Variants in TENM4 observed in about 807,000 individuals in gnomAD.
TENM4 encodes teneurin transmembrane protein 4.
Under a neutral mutation model 243.3 loss-of-function variants are expected in TENM4, and 82 were observed. The observed-to-expected ratio is 0.34, with a 90% CI of 0.28 to 0.40. The LOEUF (loss-of-function observed/expected upper bound fraction) is 0.40, where lower values mean the gene tolerates loss of function less well. TENM4 is among the 10% of genes least tolerant of loss of function. TENM4 has a pLI of 1.00. For missense variants in TENM4, 3,138 were observed against 3,673.3 expected, an observed-to-expected ratio of 0.85 and a Z score of 3.77; for synonymous variants, 1,412 against 1,456.3, an observed-to-expected ratio of 0.97 and a Z score of 0.69.
In TENM4 at chr11:78,890,013, G is replaced by A; in HGVS notation, c.856C>T (p.Leu286Phe). ...GGGGAGGTGCCTCCAGGCTTGAAGAGGAAGTGCCTGCAGATGGAGAGCAGC... is the reference window on the plus strand; with the variant it reads ...GGGGAGGTGCCTCCAGGCTTGAAGAAGAAGTGCCTGCAGATGGAGAGCAGC... ...HDGAYSDGHF[L>F]FKPGGTSPLF... The change falls in exon 9 of 34, where the codon CTC becomes TTC. Residue 286 changes from leucine to phenylalanine, a missense_variant. Leu to Phe is a conservative substitution (Grantham distance 22). Coordinates refer to ENST00000278550, the MANE Select transcript of TENM4 (RefSeq NM_001098816.3). 1 of 1,537,024 alleles carries A rather than the reference G, an allele frequency of 6.5e-7. No homozygotes were observed. The highest frequency in any genetic ancestry group is 1.2e-5 in the South Asian group (1 of 82,748).
chr11:78,694,290 CTG>C (rs1590943997), intron 28 of TENM4, among the ~76,000 whole-genome samples: 1 of 152,202 alleles, frequency 6.6e-6, no homozygotes, highest in African/African-American at 2.4e-5. Context: ...GAACTGGGCA[CTG>C]TATTGTCTGT....
At chr11:79,289,162 G>A (rs1265470144) in intron 2 of TENM4, among the ~76,000 whole-genome samples, 3 of 152,164 alleles carry the variant, frequency 2.0e-5, no homozygotes, top group African/African-American at 7.2e-5. Flanking sequence ...CCTTTTTCAT[G>A]AGCAAATTCC....
chr11:78,763,022 T>G (rs1238962812), intron 18 of TENM4, among the ~76,000 whole-genome samples: 1 of 152,234 alleles, frequency 6.6e-6, no homozygotes, highest in African/African-American at 2.4e-5. Flanking sequence ...ATATCTCACT[T>G]AATTATATAT....
At chr11:78,928,691 G>C (rs1318868472) in intron 6 of TENM4, among the ~76,000 whole-genome samples, 1 of 152,102 alleles carries the variant, frequency 6.6e-6, no homozygotes, top group Non-Finnish European at 1.5e-5. Flanking sequence ...ATTAAACCTA[G>C]TTTATAATTA....
intron 1 of TENM4, among the ~76,000 whole-genome samples, chr11:79,314,604 A>C (rs922234722): frequency 1.3e-5 from 2 of 152,168 alleles, no homozygotes; most frequent in Non-Finnish European, 2.9e-5. Context: ...CCCGGCATAC[A>C]ATAGGTGCCA....
rs1555016067 is a variant in TENM4, at chr11:79,139,777, A to ATATATATTATATAT, written c.-66+8932_-66+8933insATATATAATATATA. The stretch of plus-strand genomic sequence containing the variant: ...ATATATTATATTTATATAAATATAT[A>ATATATATTATATAT]ATATATATTATATTTATATAAATAT... On this transcript the variant is annotated intron_variant, in intron 4 of 33. Transcript: ENST00000278550. Among the ~76,000 whole-genome samples the ATATATATTATATAT allele has an allele frequency of 3.0e-4, 8 of 26,796 alleles. 2 individuals carry two copies. The highest frequency in any genetic ancestry group is 1.3e-3 in the African/African-American group (6 of 4,606). The allele number at this position is 26,796 out of a possible 152,430, so 17.6% of individuals were successfully genotyped here.
intron 3 of TENM4, among the ~76,000 whole-genome samples, chr11:79,164,099 A>T (rs1156763104): frequency 1.8e-5 from 2 of 113,180 alleles, no homozygotes; most frequent in Non-Finnish European, 3.3e-5. Context: ...ATGTATATAT[A>T]GTATATATAC....
chr11:78,745,700 C>T (rs1457187091), intron 19 of TENM4, among the ~76,000 whole-genome samples: 2 of 152,198 alleles, frequency 1.3e-5, no homozygotes, highest in East Asian at 1.9e-4. Flanking sequence ...AAAAGAAACA[C>T]TGTATAGATA....
intron 1 of TENM4, among the ~76,000 whole-genome samples, chr11:79,307,458 G>A (rs1397466028): frequency 6.6e-6 from 1 of 152,038 alleles, no homozygotes; most frequent in African/African-American, 2.4e-5. Context: ...AGTCCTGCTG[G>A]TTCTAACTCC....
chr11:79,408,921 TTAA>T (rs1377440981), intron 1 of TENM4, among the ~76,000 whole-genome samples: 3 of 152,158 alleles, frequency 2.0e-5, no homozygotes, highest in African/African-American at 7.2e-5. Context: ...CATAGCAGAA[TTAA>T]TAATTATCAC....
chr11:79,122,410 G>T (rs1178344510), intron 4 of TENM4, among the ~76,000 whole-genome samples: 1 of 152,178 alleles, frequency 6.6e-6, no homozygotes, highest in African/African-American at 2.4e-5. Context: ...AAAAAGTGGG[G>T]TTCTATGGGA....
intron 2 of TENM4, among the ~76,000 whole-genome samples, chr11:79,290,102 A>G (rs1406216204): frequency 6.6e-6 from 1 of 151,940 alleles, no homozygotes; most frequent in Non-Finnish European, 1.5e-5. Context: ...AGCAGTTTCT[A>G]CTTTAGTTAG....
At chr11:78,934,688 C>G (rs1198580331) in intron 6 of TENM4, among the ~76,000 whole-genome samples, 1 of 152,172 alleles carries the variant, frequency 6.6e-6, no homozygotes, top group Non-Finnish European at 1.5e-5. Context: ...TTACCTAGAG[C>G]AAGCTCACCT....
At chr11:78,781,676 G>T (rs67160968) in intron 16 of TENM4, among the ~76,000 whole-genome samples, 3,860 of 152,182 alleles carry the variant, frequency 0.025, 71 homozygotes, top group Non-Finnish European at 0.042. Flanking sequence ...GGAGCCTCAG[G>T]GCAACTCGAA....
chr11:79,119,708 C>T (rs1378619061), intron 4 of TENM4, among the ~76,000 whole-genome samples: 2 of 152,298 alleles, frequency 1.3e-5, no homozygotes, highest in Middle Eastern at 3.4e-3. Context: ...GAGGAAGTAG[C>T]CACAACAGCC....
intron 12 of TENM4, among the ~76,000 whole-genome samples, chr11:78,821,447 G>A (rs954833697): frequency 1.3e-5 from 2 of 152,218 alleles, no homozygotes; most frequent in East Asian, 1.9e-4. Context: ...TTCCAGAGGC[G>A]TTTGGTGGCC....
chr11:79,140,514 T>A (rs1862267408), intron 4 of TENM4, among the ~76,000 whole-genome samples: 1 of 152,054 alleles, frequency 6.6e-6, no homozygotes. Flanking sequence ...CGCTTCCAAG[T>A]CTTGTGTGAG....
rs551224145 is a variant in TENM4 at position 78,976,285 on chromosome 11, T to C, written c.494-72762A>G. On this transcript the variant is annotated intron_variant, in intron 6 of 33. Transcript: ENST00000278550. ...TCTTAGAGTGACAGTCAGGGATTCG[T>C]GTAACCAATGAACCAGGCAAAAAAC... Among the ~76,000 whole-genome samples the C allele has an allele frequency of 3.3e-5, 5 of 152,256 alleles. No individual in the cohort carries two copies. The East Asian group carries it at 7.7e-4, about 24-fold the overall frequency.
chr11:78,832,220 G>A (rs567585387), intron 12 of TENM4, among the ~76,000 whole-genome samples: 5 of 152,020 alleles, frequency 3.3e-5, no homozygotes, highest in African/African-American at 1.2e-4. Context: ...AAATCCTTCC[G>A]GGCCTTCTTG....
Sources: allele counts gnomAD v4.1 joint callset (sites outside exome capture counted in the v4.1 genomes callset), GRCh38; gene constraint gnomAD v4.1.1; transcripts MANE v1.5; gene names NCBI Gene and HGNC (gene_info 2026-07-23, HGNC 2026-07-21).